The following MSRA variants were observed in gnomAD, a reference collection of about 807,000 sequenced individuals.
MSRA encodes methionine sulfoxide reductase A.
MSRA carries 54 observed loss-of-function variants against 31.3 expected under a neutral mutation model. That is an observed-to-expected ratio of 1.73 (90% CI 1.39 to 2.17). MSRA has a LOEUF of 2.17. Ranked by LOEUF, MSRA falls within the 30% of genes most tolerant of loss-of-function variation. The pLI is 0.00. For synonymous variants in MSRA, 169 were observed against 116.5 expected, an observed-to-expected ratio of 1.45 and a Z score of -2.90; for missense variants, 507 against 300.9, an observed-to-expected ratio of 1.69 and a Z score of -5.07.
At chr8:10,062,834 T>G (rs1797276362) in intron 1 of MSRA, among the ~76,000 whole-genome samples, 1 of 152,200 alleles carries the variant, frequency 6.6e-6, no homozygotes, top group Admixed American at 6.5e-5. Flanking sequence ...TAGGAGTGGA[T>G]CGTGTTAGCT....
intron 3 of MSRA, among the ~76,000 whole-genome samples, chr8:10,282,363 C>G (rs2975640): frequency 6.6e-6 from 1 of 152,012 alleles, no homozygotes; most frequent in African/African-American, 2.4e-5. Flanking sequence ...CTATTTTGAT[C>G]GCCCAGAAAT....
chr8:10,299,712 T>G (rs1195285267), intron 3 of MSRA, among the ~76,000 whole-genome samples: 1 of 152,182 alleles, frequency 6.6e-6, no homozygotes, highest in Non-Finnish European at 1.5e-5. Context: ...ATCTTCCAGC[T>G]ATGAATTGCT....
intron 5 of MSRA, among the ~76,000 whole-genome samples, chr8:10,370,105 T>C (rs1395014385): frequency 1.3e-5 from 2 of 152,246 alleles, no homozygotes; most frequent in African/African-American, 2.4e-5. Context: ...TAGCCAACAT[T>C]TGTCTCGTGT....
chr8:10,189,943 G>A (rs1309143710), intron 1 of MSRA, among the ~76,000 whole-genome samples: 1 of 152,072 alleles, frequency 6.6e-6, no homozygotes, highest in Non-Finnish European at 1.5e-5. Context: ...GAAAATCTGG[G>A]AGCATGGAGT....
At chr8:10,339,245 C>T (rs750190718) in intron 5 of MSRA, among the ~76,000 whole-genome samples, 36 of 152,178 alleles carry the variant, frequency 2.4e-4, no homozygotes, top group Non-Finnish European at 8.8e-5. Context: ...AAAACTCTTA[C>T]GTTACCATCT....
intron 3 of MSRA, among the ~76,000 whole-genome samples, chr8:10,261,356 T>A (rs1463883232): frequency 6.6e-6 from 1 of 150,698 alleles, no homozygotes; most frequent in Non-Finnish European, 1.5e-5. Flanking sequence ...TAAAATTGTT[T>A]CTGTCTTCAT....
At chr8:10,271,101 A>G (rs977906959) in intron 3 of MSRA, among the ~76,000 whole-genome samples, 3 of 151,974 alleles carry the variant, frequency 2.0e-5, no homozygotes, top group African/African-American at 7.2e-5. Context: ...GAAGAAAAAT[A>G]AAAGTTTTTA....
At chr8:10,068,154 G>T (rs997634185) in intron 1 of MSRA, among the ~76,000 whole-genome samples, 40 of 152,142 alleles carry the variant, frequency 2.6e-4, no homozygotes, top group Non-Finnish European at 3.1e-4. Flanking sequence ...AAAGTGCTGA[G>T]ATTACAGGTG....
chr8:10,368,699 G>A (rs573757293), intron 5 of MSRA, among the ~76,000 whole-genome samples: 1 of 152,374 alleles, frequency 6.6e-6, no homozygotes, highest in African/African-American at 2.4e-5. Context: ...TTGTAAAACA[G>A]TTTGTATCTG....
chr8:10,404,984 G>C (rs1057444972), intron 5 of MSRA, among the ~76,000 whole-genome samples: 15 of 152,338 alleles, frequency 9.8e-5, no homozygotes, highest in Non-Finnish European at 1.8e-4. Context: ...TTAGGCCACA[G>C]TCACAGGCTC....
intron 5 of MSRA, among the ~76,000 whole-genome samples, chr8:10,420,126 G>C (rs1340723382): frequency 6.6e-6 from 1 of 152,148 alleles, no homozygotes; most frequent in Non-Finnish European, 1.5e-5. Flanking sequence ...GTATTCTGAC[G>C]CATGCCACCT....
intron 1 of MSRA, among the ~76,000 whole-genome samples, chr8:10,104,247 C>A (rs1315662148): frequency 1.3e-5 from 2 of 152,120 alleles, no homozygotes; most frequent in Non-Finnish European, 2.9e-5. Context: ...CTCAGTAATG[C>A]CACGCCATTC....
chr8:10,201,596 G>T (rs972171977), intron 1 of MSRA, among the ~76,000 whole-genome samples: 1 of 152,204 alleles, frequency 6.6e-6, no homozygotes, highest in African/African-American at 2.4e-5. Flanking sequence ...TTGTAGATGT[G>T]TTACCAAGCA....
chr8:10,135,474 A>T (rs1481316209), intron 1 of MSRA, among the ~76,000 whole-genome samples: 1 of 152,228 alleles, frequency 6.6e-6, no homozygotes, highest in Non-Finnish European at 1.5e-5. Context: ...GTTACCAACG[A>T]GTAATATTAA....
At chr8:10,282,025 G>C (rs1799649586) in intron 3 of MSRA, among the ~76,000 whole-genome samples, 1 of 152,220 alleles carries the variant, frequency 6.6e-6, no homozygotes, top group Non-Finnish European at 1.5e-5. Flanking sequence ...GCTGGGAACA[G>C]GGTGGGTTCT....
chr8:10,326,949 T>A (rs1802396970), intron 5 of MSRA, among the ~76,000 whole-genome samples: 1 of 152,196 alleles, frequency 6.6e-6, no homozygotes, highest in South Asian at 2.1e-4. Flanking sequence ...CTTTTCCCAC[T>A]GAGAAATTAT....
intron 1 of MSRA, among the ~76,000 whole-genome samples, chr8:10,138,940 G>T (rs1802488232): frequency 6.6e-6 from 1 of 152,186 alleles, no homozygotes; most frequent in African/African-American, 2.4e-5. Flanking sequence ...CTTGTCCCCA[G>T]AAATACACAG....
At chr8:10,103,027 C>G (rs561209838) in intron 1 of MSRA, among the ~76,000 whole-genome samples, 7 of 152,044 alleles carry the variant, frequency 4.6e-5, no homozygotes, top group Non-Finnish European at 7.4e-5. Flanking sequence ...CACTAGCTAC[C>G]CAGAGATTAG....
chr8:10,218,820 T>C (rs996872301), intron 2 of MSRA, among the ~76,000 whole-genome samples: 1 of 152,220 alleles, frequency 6.6e-6, no homozygotes, highest in Admixed American at 6.5e-5. Context: ...TTAACCAGAT[T>C]ATTGAAATTT....
Sources: allele counts gnomAD v4.1 joint callset (sites outside exome capture counted in the v4.1 genomes callset), GRCh38; gene constraint gnomAD v4.1.1; transcripts MANE v1.5; gene names NCBI Gene and HGNC (gene_info 2026-07-23, HGNC 2026-07-21).